Variants in ARFGEF2 observed in about 807,000 individuals in gnomAD.
The protein encoded by ARFGEF2 is brefeldin A-inhibited guanine nucleotide-exchange protein 2.
A neutral mutation model predicts 219.9 loss-of-function variants in ARFGEF2; 74 were observed. The observed-to-expected ratio is 0.34, with a 90% CI of 0.28 to 0.41. The LOEUF (loss-of-function observed/expected upper bound fraction) is 0.41, where lower values mean the gene tolerates loss of function less well. Ranked by LOEUF, ARFGEF2 falls within the 10% of genes least tolerant of loss-of-function variation. ARFGEF2 has a pLI of 1.00. For missense variants in ARFGEF2, 1,743 were observed against 2,218.3 expected (o/e 0.79, Z 4.30); for synonymous variants, 733 against 799.2 (o/e 0.92, Z 1.40).
chr20:48,953,802 T>TAGG lies in ARFGEF2; in HGVS notation c.838+13_838+14insGGA. On this transcript the variant is annotated intron_variant, in intron 6 of 38. Coordinates refer to ENST00000371917, the MANE Select transcript of ARFGEF2 (RefSeq NM_006420.3). ...CTCATCACTGTCAGGTACGGGCTGATACGGTATGGCTCTTTTTCCAAGTGT... is the reference window on the plus strand; with the variant it reads ...CTCATCACTGTCAGGTACGGGCTGATAGGACGGTATGGCTCTTTTTCCAAGTGT... The TAGG allele has an allele frequency of 1.2e-6, 2 of 1,611,454 alleles. No homozygotes were observed. Among genetic ancestry groups the TAGG allele is most frequent in the Non-Finnish European group, 1.7e-6 (2 of 1,178,192 alleles).
In ARFGEF2 at chr20:49,036,198, G is replaced by A. The variant is rs888889886; in HGVS notation, c.*2999G>A. 4.5e-5 allele frequency: 18 copies of A among 398,120 alleles called. No individual in the cohort carries two copies. The highest frequency in any genetic ancestry group is 3.5e-4 in the African/African-American group (17 of 48,584). 24.7% of individuals were successfully genotyped at this position (398,120 alleles called of 1,614,324 possible). On this transcript the variant is annotated 3_prime_UTR_variant, in exon 39 of 39. Transcript: ENST00000371917. ...TTTTCTGAATTCTGTTTTAATATTT[G>A]TGTTAAAGTAGACATAGCTGAACTC...
chr20:48,988,646 C>G lies in ARFGEF2; in HGVS notation c.2517C>G (p.Thr839=), dbSNP rs753126871. The part of the protein sequence containing the change: ...MKETKELTIA[T]KSTKQNVASE... ...AAACAAAAGAGCTAACGATTGCAAC[C>G]AAATCTACTAAGCAGAGTAAGGTCT... Residue 839 remains threonine (T), a synonymous_variant, in exon 18 of 39, where the codon ACC becomes ACG. Transcript: ENST00000371917. The G allele has an allele frequency of 6.2e-7, 1 of 1,613,372 alleles. No homozygotes were observed. The highest frequency in any genetic ancestry group is 1.3e-5 in the African/African-American group (1 of 75,000).
At chr20:48,978,957 C>T (rs1471556428) in intron 14 of ARFGEF2, among the ~76,000 whole-genome samples, 2 of 152,142 alleles carry the variant, frequency 1.3e-5, no homozygotes, top group Non-Finnish European at 2.9e-5. Flanking sequence ...TGATTGAATA[C>T]GCTTTATTTC....
At position 48,969,104 on chromosome 20, in the gene ARFGEF2, G is replaced by A. The variant is rs756992340; in HGVS notation, c.1060-43G>A. ...GCCTCTGGAGTAGCTGGGACTACAG[G>A]TGGGTGCCACCACACCCAGCTGATG... is the stretch of plus-strand genomic sequence containing the variant. On this transcript the variant is annotated intron_variant, in intron 8 of 38. Transcript: ENST00000371917. The A allele has an allele frequency of 3.8e-6, 6 of 1,596,702 alleles. No individual in the cohort carries two copies. In the Admixed American group the frequency reaches 5.1e-5, roughly 14 times the overall value.
At chr20:48,942,107 G>A in intron 3 of ARFGEF2, 120 bp downstream of exon 3, 3 of 1,331,842 alleles carry the variant, frequency 2.3e-6, no homozygotes, top group Non-Finnish European at 3.1e-6. Flanking sequence ...ATGCAGAAAG[G>A]AGCAGTTTAA....
intron 22 of ARFGEF2, among the ~76,000 whole-genome samples, chr20:48,995,279 C>T (rs900644970): frequency 5.9e-5 from 9 of 152,140 alleles, no homozygotes; most frequent in African/African-American, 7.2e-5. Flanking sequence ...CATCCAACTA[C>T]GGAGTGTAGG....
At chr20:48,965,454 A>G (rs1568709635) in intron 7 of ARFGEF2, among the ~76,000 whole-genome samples, 2 of 151,962 alleles carry the variant, frequency 1.3e-5, no homozygotes, top group African/African-American at 2.4e-5. Flanking sequence ...TCAGGTTTAC[A>G]TTTTTTCTCT....
At chr20:48,993,498 G>A (rs780061940) in intron 21 of ARFGEF2, among the ~76,000 whole-genome samples, 2 of 152,214 alleles carry the variant, frequency 1.3e-5, no homozygotes, top group Admixed American at 6.5e-5. Flanking sequence ...ACTCGGCAGT[G>A]CTCAGTGGTA....
chr20:48,948,929 G>A (rs147984011), intron 3 of ARFGEF2, among the ~76,000 whole-genome samples: 8 of 152,252 alleles, frequency 5.3e-5, no homozygotes. Flanking sequence ...GTAGGTCCCA[G>A]TTAGGACTTT....
At chr20:48,932,905 AT>A (rs1425282568) in intron 1 of ARFGEF2, among the ~76,000 whole-genome samples, 8 of 152,132 alleles carry the variant, frequency 5.3e-5, no homozygotes, top group Non-Finnish European at 1.0e-4. Context: ...CCTGCGACAG[AT>A]AGAAGTCTGA....
intron 34 of ARFGEF2, among the ~76,000 whole-genome samples, chr20:49,019,407 A>G (rs1051997153): frequency 3.3e-5 from 5 of 152,204 alleles, no homozygotes; most frequent in African/African-American, 1.2e-4. Context: ...ATCAGTACAT[A>G]AGGAGCTTTC....
At chr20:49,011,653 G>A (rs928880095) in intron 27 of ARFGEF2, among the ~76,000 whole-genome samples, 6 of 152,204 alleles carry the variant, frequency 3.9e-5, no homozygotes, top group Non-Finnish European at 5.9e-5. Context: ...CATAGTTGGC[G>A]TTCAATAAAT....
chr20:48,979,274 C>T (rs1014420553), intron 14 of ARFGEF2, among the ~76,000 whole-genome samples: 6 of 152,188 alleles, frequency 3.9e-5, no homozygotes, highest in East Asian at 1.9e-4. Flanking sequence ...TGATGGATTA[C>T]GTTTATTGAT....
chr20:48,975,959 G>A (rs773877243), intron 13 of ARFGEF2, 57 bp from the exon 14 acceptor site: 11 of 1,579,644 alleles, frequency 7.0e-6, no homozygotes, highest in Middle Eastern at 2.3e-4. Flanking sequence ...GACCTAGCTC[G>A]GCTGTGTCTG....
chr20:48,963,529 T>G (rs1177333376), intron 6 of ARFGEF2, among the ~76,000 whole-genome samples: 1 of 151,920 alleles, frequency 6.6e-6, no homozygotes. Context: ...GCCTCCAAGT[T>G]GGGGGTGGTG....
At chr20:48,992,693 C>T (rs910897933) in intron 21 of ARFGEF2, among the ~76,000 whole-genome samples, 3 of 152,142 alleles carry the variant, frequency 2.0e-5, no homozygotes, top group African/African-American at 7.2e-5. Context: ...TGGCTTTGCT[C>T]CTCTTCACCA....
chr20:49,033,983 G>A lies in ARFGEF2; in HGVS notation c.*784G>A, dbSNP rs937782150. 6.6e-6 allele frequency: 1 copy of A among 152,158 alleles called. No individual in the cohort carries two copies. 9.4% of individuals were successfully genotyped at this position (152,158 alleles called of 1,614,324 possible). On this transcript the variant is annotated 3_prime_UTR_variant, in exon 39 of 39. Coordinates refer to ENST00000371917, the MANE Select transcript of ARFGEF2 (RefSeq NM_006420.3). ...CCTTGAAATAAGTATTTGTGGATGG[G>A]TGTTAAATTAAAATTTCCAGAATAC...
chr20:49,031,220 CTTTTTTT>C (rs869105434), intron 37 of ARFGEF2, among the ~76,000 whole-genome samples: 13 of 59,416 alleles, frequency 2.2e-4, no homozygotes, highest in South Asian at 1.6e-3. Flanking sequence ...TGAGTTTGGA[CTTTTTTT>C]TTTTTTTTTT....
At chr20:48,951,636 G>T (rs1046149235) in intron 4 of ARFGEF2, among the ~76,000 whole-genome samples, 167 bp downstream of exon 4, 1 of 152,180 alleles carries the variant, frequency 6.6e-6, no homozygotes, top group Non-Finnish European at 1.5e-5. Flanking sequence ...ATTTATTAGC[G>T]TGGACTGAGA....
Sources: gnomAD v4.1 joint callset for allele counts (sites outside exome capture counted in the v4.1 genomes callset) on GRCh38, gnomAD v4.1.1 for gene constraint, MANE v1.5 for transcripts, NCBI Gene and HGNC (gene_info 2026-07-23, HGNC 2026-07-21) for gene names.